The following KANK1 variants were observed in gnomAD, a reference collection of about 807,000 sequenced individuals.
KANK1 encodes KN motif and ankyrin repeat domain-containing protein 1.
Under a neutral mutation model 106.2 loss-of-function variants are expected in KANK1, and 109 were observed. The ratio of observed to expected loss-of-function variants is 1.03; its 90% CI spans 0.88 to 1.20. The LOEUF (loss-of-function observed/expected upper bound fraction) is 1.20, where lower values mean the gene tolerates loss of function less well. Among genes scored for constraint, KANK1 ranks in the 50% most tolerant of loss-of-function variants. The pLI is 0.00. For missense variants in KANK1, 2,399 were observed against 1,710.7 expected, an observed-to-expected ratio of 1.40 and a Z score of -7.10; for synonymous variants, 873 against 652.2, an observed-to-expected ratio of 1.34 and a Z score of -5.16.
chr9:525,049 C>T (rs962367033), intron 1 of KANK1, among the ~76,000 whole-genome samples: 1 of 138,926 alleles, frequency 7.2e-6, no homozygotes, highest in South Asian at 2.3e-4. Flanking sequence ...AGCACTGGCT[C>T]ACTGCACCAA....
At chr9:504,491 A>C (rs374964617), upstream of KANK1, among the ~76,000 whole-genome samples, 1,903 of 151,286 alleles carry the variant, frequency 0.013, 19 homozygotes, top group South Asian at 0.017. Context: ...CTCTGGGCGG[A>C]GGGAGCAGCC....
intron 1 of KANK1, among the ~76,000 whole-genome samples, chr9:651,132 A>C (rs10156581): frequency 3.3e-5 from 5 of 152,082 alleles, no homozygotes; most frequent in African/African-American, 1.2e-4. Context: ...AACCCCTTCA[A>C]TTGTTAAAGC....
Position 742,334 on chromosome 9 carries a change from G to C in KANK1, c.3826G>C (p.Glu1276Gln), listed in dbSNP as rs144303532. 16 of 1,613,960 alleles carry C rather than the reference G, an allele frequency of 9.9e-6. No homozygotes were observed. Among genetic ancestry groups the C allele is most frequent in the Non-Finnish European group, 1.4e-5 (16 of 1,180,012 alleles). The change falls in exon 10 of 12, where the codon GAG becomes CAG. Residue 1276 changes from glutamate to glutamine, a missense_variant. Coordinates refer to ENST00000382297, the MANE Select transcript of KANK1 (RefSeq NM_015158.5). ...CTCCACGGCCCTCATGTGTGCCAGC[G>C]AGCACGGACACGTGGAGATTGTCAA... The part of the protein sequence containing the change: ...EGSTALMCAS[E>Q]HGHVEIVKLL...
At chr9:596,262 C>A (rs890772280) in intron 1 of KANK1, among the ~76,000 whole-genome samples, 1 of 151,766 alleles carries the variant, frequency 6.6e-6, no homozygotes, top group Admixed American at 6.5e-5. Flanking sequence ...AACTTGTATG[C>A]CAAATTAGTA....
chr9:587,449 G>A (rs898381387), intron 1 of KANK1, among the ~76,000 whole-genome samples: 1 of 152,032 alleles, frequency 6.6e-6, no homozygotes, highest in African/African-American at 2.4e-5. Context: ...ACATCAAAAG[G>A]AGTATTAAGA....
chr9:583,274 C>A (rs1210468335), intron 1 of KANK1, among the ~76,000 whole-genome samples: 1 of 152,126 alleles, frequency 6.6e-6, no homozygotes, highest in Admixed American at 6.6e-5. Flanking sequence ...GTATCTGTTA[C>A]ATTTTATCTG....
At chr9:718,656 G>A (rs1021819216) in intron 3 of KANK1, among the ~76,000 whole-genome samples, 2 of 152,044 alleles carry the variant, frequency 1.3e-5, no homozygotes, top group African/African-American at 4.8e-5. Context: ...ATGGCCTCCT[G>A]TGTCAAATAA....
At chr9:568,681 C>CA (rs573980827) in intron 1 of KANK1, among the ~76,000 whole-genome samples, 294 of 152,212 alleles carry the variant, frequency 1.9e-3, no homozygotes, top group African/African-American at 6.6e-3. Context: ...TTTGTAGAGA[C>CA]AAAATCTCAA....
chr9:566,314 A>C (rs2134612075), intron 1 of KANK1, among the ~76,000 whole-genome samples: 1 of 152,258 alleles, frequency 6.6e-6, no homozygotes, highest in African/African-American at 2.4e-5. Context: ...TGCTGCAGTG[A>C]GCATATGTGT....
intron 1 of KANK1, among the ~76,000 whole-genome samples, chr9:636,594 G>C (rs891719843): frequency 6.6e-6 from 1 of 152,158 alleles, no homozygotes; most frequent in African/African-American, 2.4e-5. Context: ...CTGGCTGGGT[G>C]CGGTGGCTCA....
At chr9:503,448 C>T (rs1009590166), upstream of KANK1, among the ~76,000 whole-genome samples, 1 of 152,142 alleles carries the variant, frequency 6.6e-6, no homozygotes, top group African/African-American at 2.4e-5. Flanking sequence ...AGTCAGGAGC[C>T]ATCAAGTTCA....
intron 1 of KANK1, among the ~76,000 whole-genome samples, chr9:512,285 G>A (rs1211690061): frequency 6.6e-6 from 1 of 150,440 alleles, no homozygotes; most frequent in Non-Finnish European, 1.5e-5. Flanking sequence ...TTTAAAACAA[G>A]GAATTGACTT....
Position 744,042 on chromosome 9 carries a change from C to A in KANK1, c.3898-449C>A, listed in dbSNP as rs572620103. Among the ~76,000 whole-genome samples the A allele has an allele frequency of 2.6e-5, 4 of 152,342 alleles. No homozygotes were observed. The South Asian group carries it at 8.3e-4, about 32-fold the overall frequency. ...GCAACCCACTGGGATTGCGTGCTTA[C>A]ACACAGATGTTACTTGTAGCCTTAA... On this transcript the variant is annotated intron_variant, in intron 10 of 11. Transcript: ENST00000382297.
At chr9:470,336 G>C (rs150418289) in exon 1 of KANK1, 1 of 152,408 alleles carries the variant, frequency 6.6e-6, no homozygotes, top group East Asian at 1.9e-4. Context: ...GCTCCAGCCT[G>C]CTCAGCAGCG....
At chr9:563,267 A>C (rs1042071842) in intron 1 of KANK1, among the ~76,000 whole-genome samples, 2 of 151,958 alleles carry the variant, frequency 1.3e-5, no homozygotes, top group African/African-American at 2.4e-5. Context: ...CTCTGTTGCC[A>C]GGAAGCTAAT....
chr9:557,005 G>A (rs2061630816), intron 1 of KANK1, among the ~76,000 whole-genome samples: 1 of 152,034 alleles, frequency 6.6e-6, no homozygotes, highest in Non-Finnish European at 1.5e-5. Flanking sequence ...GTTTGTTAAT[G>A]GCATGGTAGT....
chr9:635,880 G>T (rs1837015780), intron 1 of KANK1, among the ~76,000 whole-genome samples: 1 of 151,540 alleles, frequency 6.6e-6, no homozygotes. Context: ...TCACTTTATT[G>T]GTCAGACTGG....
At chr9:707,193 G>A in intron 2 of KANK1, 7 of 985,970 alleles carry the variant, frequency 7.1e-6, no homozygotes, top group Non-Finnish European at 8.4e-6. Context: ...GGCTGAGCTG[G>A]AGCGAGCTGT....
At chr9:508,219 A>T (rs1275643686) in intron 1 of KANK1, among the ~76,000 whole-genome samples, 1 of 131,862 alleles carries the variant, frequency 7.6e-6, no homozygotes, top group Non-Finnish European at 1.5e-5. Flanking sequence ...GCTCACTGCA[A>T]CCTCTGCCTC....
Sources: gnomAD v4.1 joint callset for allele counts (sites outside exome capture counted in the v4.1 genomes callset) on GRCh38, gnomAD v4.1.1 for gene constraint, MANE v1.5 for transcripts, NCBI Gene and HGNC (gene_info 2026-07-23, HGNC 2026-07-21) for gene names.